GALNT14: variants seen among roughly 807,000 people sequenced by gnomAD.
GALNT14 encodes the protein UDP-GalNAc:polypeptide N-acetylgalactosaminyltransferase 14.
In GALNT14, 60 loss-of-function variants were observed where a neutral mutation model predicts 77.5. That is an observed-to-expected ratio of 0.77 (90% CI 0.63 to 0.96). The LOEUF (loss-of-function observed/expected upper bound fraction) is 0.96. Among genes scored for constraint, GALNT14 ranks in the 40% least tolerant of loss-of-function variants. GALNT14 has a pLI of 0.00. For missense variants in GALNT14, 710 were observed against 731.0 expected (o/e 0.97, Z 0.33); for synonymous variants, 280 against 281.7 (o/e 0.99, Z 0.06).
intron 1 of GALNT14, among the ~76,000 whole-genome samples, chr2:30,993,647 G>C (rs181530909): frequency 1.7e-4 from 26 of 152,350 alleles, no homozygotes; most frequent in East Asian, 9.6e-4. Context: ...GGGGGAGTGA[G>C]TAACAACCCT....
chr2:31,071,286 G>T (rs551658248), intron 1 of GALNT14, among the ~76,000 whole-genome samples: 1 of 152,194 alleles, frequency 6.6e-6, no homozygotes, highest in Non-Finnish European at 1.5e-5. Context: ...TAGAACCAGG[G>T]TCAACCAAAC....
the GALNT14 span, among the ~76,000 whole-genome samples, chr2:30,888,468 A>T: frequency 6.6e-6 from 1 of 152,220 alleles, no homozygotes; most frequent in Non-Finnish European, 1.5e-5. Flanking sequence ...AAGATAGTTA[A>T]TATCAAAAAA....
intron 13 of GALNT14, among the ~76,000 whole-genome samples, chr2:30,922,011 T>C (rs1019398984): frequency 1.3e-5 from 2 of 152,048 alleles, no homozygotes; most frequent in African/African-American, 4.8e-5. Flanking sequence ...GCAACCCTTC[T>C]GAGATATGAG....
At chr2:31,124,945 C>A (rs1265786201) in intron 1 of GALNT14, among the ~76,000 whole-genome samples, 1 of 152,224 alleles carries the variant, frequency 6.6e-6, no homozygotes, top group African/African-American at 2.4e-5. Context: ...AGGTCTTCTA[C>A]TAGCACTGAA....
intron 9 of GALNT14, 84 bp downstream of exon 9, chr2:30,942,117 T>C: frequency 1.1e-6 from 1 of 901,806 alleles, no homozygotes; most frequent in South Asian, 1.5e-5. Context: ...AGCTTGGTGT[T>C]GGATCCAAAA....
chr2:30,942,092 G>A (rs1476113331), intron 9 of GALNT14, 109 bp downstream of exon 9: 18 of 704,504 alleles, frequency 2.6e-5, no homozygotes, highest in Non-Finnish European at 4.0e-5. Flanking sequence ...TCCAAAGCAC[G>A]TGTCACTCTC....
intron 1 of GALNT14, among the ~76,000 whole-genome samples, chr2:31,016,333 A>T (rs78632367): frequency 6.6e-5 from 10 of 152,212 alleles, no homozygotes; most frequent in Non-Finnish European, 1.5e-4. Context: ...GCCAACCTTG[A>T]TTACCTCCTT....
Position 31,114,757 on chromosome 2 carries a change from G to T in GALNT14, c.129+23201C>A, listed in dbSNP as rs1217816585. ...AAAGAATTTACCTGACTTGAAGAAA[G>T]ACCTGAGTCTGCAAATGGAACTGAG... On this transcript the variant is annotated intron_variant, in intron 1 of 14. Coordinates refer to ENST00000349752, the MANE Select transcript of GALNT14 (RefSeq NM_024572.4). 5 of 717,118 alleles carry T rather than the reference G, an allele frequency of 7.0e-6. No individual in the cohort carries two copies. In the East Asian group the frequency reaches 1.3e-4, roughly 19 times the overall value. The allele number at this position is 717,118 out of a possible 1,614,324, so 44.4% of individuals were successfully genotyped here.
chr2:30,997,547 C>G (rs1408099059), intron 1 of GALNT14, among the ~76,000 whole-genome samples: 1 of 152,228 alleles, frequency 6.6e-6, no homozygotes, highest in Admixed American at 6.5e-5. Context: ...ACTGGGCCCA[C>G]TCCTGTGGGG....
chr2:31,134,263 C>T (rs1351581658), intron 1 of GALNT14, among the ~76,000 whole-genome samples: 5 of 152,226 alleles, frequency 3.3e-5, no homozygotes, highest in African/African-American at 1.2e-4. Flanking sequence ...TCTCTGAATA[C>T]ATTCAAAGGA....
At chr2:30,959,707 T>C (rs916618937) in intron 3 of GALNT14, among the ~76,000 whole-genome samples, 4 of 152,246 alleles carry the variant, frequency 2.6e-5, no homozygotes, top group African/African-American at 4.8e-5. Flanking sequence ...TGGTGCATCA[T>C]TAATGATTTT....
the GALNT14 span, among the ~76,000 whole-genome samples, chr2:30,896,455 T>C: frequency 6.6e-6 from 1 of 152,208 alleles, no homozygotes; most frequent in Non-Finnish European, 1.5e-5. Context: ...GTTATGACTT[T>C]GGACAAGTTA....
intron 1 of GALNT14, among the ~76,000 whole-genome samples, chr2:31,042,248 T>C (rs1480745285): frequency 6.6e-6 from 1 of 152,234 alleles, no homozygotes; most frequent in Non-Finnish European, 1.5e-5. Flanking sequence ...TAGGCTTTAC[T>C]ATTTTTTTAA....
intron 1 of GALNT14, among the ~76,000 whole-genome samples, chr2:30,997,214 A>G (rs1352241268): frequency 6.6e-6 from 1 of 152,142 alleles, no homozygotes; most frequent in African/African-American, 2.4e-5. Flanking sequence ...AGGCAGAGAA[A>G]GACCCTGGGA....
downstream of GALNT14, among the ~76,000 whole-genome samples, chr2:30,906,939 C>T (rs565594969): frequency 6.8e-3 from 1,038 of 152,312 alleles, 19 homozygotes; most frequent in African/African-American, 0.024. Flanking sequence ...GGAAACTGAA[C>T]AACCTGCTCC....
the GALNT14 span, among the ~76,000 whole-genome samples, chr2:30,901,311 G>A: frequency 6.6e-6 from 1 of 152,074 alleles, no homozygotes; most frequent in African/African-American, 2.4e-5. Flanking sequence ...CATGGCACCA[G>A]TCTCAGCCAC....
At chr2:30,983,293 G>A (rs1379574524) in intron 2 of GALNT14, among the ~76,000 whole-genome samples, 2 of 151,880 alleles carry the variant, frequency 1.3e-5, no homozygotes, top group Non-Finnish European at 2.9e-5. Context: ...AGTTCCATGA[G>A]GGCACACTTT....
At chr2:31,054,299 T>A (rs1295801504) in intron 1 of GALNT14, among the ~76,000 whole-genome samples, 1 of 152,206 alleles carries the variant, frequency 6.6e-6, no homozygotes, top group Admixed American at 6.5e-5. Flanking sequence ...GCCAATGCCA[T>A]CAAAGATGAT....
intron 6 of GALNT14, among the ~76,000 whole-genome samples, chr2:30,947,400 T>C (rs1405933569): frequency 6.6e-6 from 1 of 152,190 alleles, no homozygotes; most frequent in Non-Finnish European, 1.5e-5. Context: ...ATCAAAATCA[T>C]GCAGGAAACA....
Sources: gnomAD v4.1 joint callset for allele counts (sites outside exome capture counted in the v4.1 genomes callset) on GRCh38, gnomAD v4.1.1 for gene constraint, MANE v1.5 for transcripts, NCBI Gene and HGNC (gene_info 2026-07-23, HGNC 2026-07-21) for gene names.